The following FAM107B variants were observed in gnomAD, a reference collection of about 807,000 sequenced individuals.
The protein encoded by FAM107B is protein FAM107B.
In FAM107B, 21 loss-of-function variants were observed where a neutral mutation model predicts 31.5. The ratio of observed to expected loss-of-function variants is 0.67; its 90% CI spans 0.47 to 0.96. FAM107B has a LOEUF of 0.96. Ranked by LOEUF, FAM107B falls within the 40% of genes least tolerant of loss-of-function variation. The probability of loss-of-function intolerance (pLI) is 0.00; values close to 1 mark genes in which losing one functional copy is unlikely to be tolerated. For missense variants in FAM107B, 452 were observed against 377.1 expected, an observed-to-expected ratio of 1.20 and a Z score of -1.64; for synonymous variants, 157 against 141.5, an observed-to-expected ratio of 1.11 and a Z score of -0.78.
chr10:14,629,480 A>ATATT (rs1446981296), intron 2 of FAM107B, among the ~76,000 whole-genome samples: 1 of 108,974 alleles, frequency 9.2e-6, no homozygotes, highest in African/African-American at 4.0e-5. Context: ...TAATATATAT[A>ATATT]TAACATATAT....
chr10:14,633,071 T>C (rs766690541), intron 2 of FAM107B, among the ~76,000 whole-genome samples: 1 of 151,798 alleles, frequency 6.6e-6, no homozygotes, highest in Admixed American at 6.6e-5. Flanking sequence ...TAGTGGTGCA[T>C]GCCTGTAATC....
At chr10:14,701,786 A>G (rs1300972339) in intron 1 of FAM107B, among the ~76,000 whole-genome samples, 1 of 152,184 alleles carries the variant, frequency 6.6e-6, no homozygotes, top group Non-Finnish European at 1.5e-5. Flanking sequence ...ACCTTTGGAA[A>G]CAATGGCGTT....
At chr10:14,594,526 A>C (rs1317032981) in intron 2 of FAM107B, among the ~76,000 whole-genome samples, 4 of 151,944 alleles carry the variant, frequency 2.6e-5, no homozygotes, top group African/African-American at 9.7e-5. Flanking sequence ...AACAAAAAAA[A>C]ACAAAACTGG....
In FAM107B at chr10:14,717,014, C is replaced by G. The variant is rs186253434; in HGVS notation, c.412-49323G>C. ...CTGAGGCAAGAGAATCCCTGGAATCCGTGAGGCAGAGGTTGCAGGGAGCCG... is the reference window on the plus strand; with the variant it reads ...CTGAGGCAAGAGAATCCCTGGAATCGGTGAGGCAGAGGTTGCAGGGAGCCG... On this transcript the variant is annotated intron_variant, in intron 1 of 4. Coordinates refer to ENST00000181796, the MANE Select transcript of FAM107B (RefSeq NM_031453.4). Among the ~76,000 whole-genome samples, 11 of 152,214 alleles carry G rather than the reference C, an allele frequency of 7.2e-5. No individual in the cohort carries two copies. In the East Asian group the frequency reaches 2.1e-3, roughly 29 times the overall value.
intron 1 of FAM107B, among the ~76,000 whole-genome samples, chr10:14,761,011 CA>C (rs565835423): frequency 0.27 from 21,114 of 77,558 alleles, 1,166 homozygotes; most frequent in Middle Eastern, 0.43. Flanking sequence ...GACTCCGTTT[CA>C]AAAAAAAAAA....
intron 2 of FAM107B, among the ~76,000 whole-genome samples, chr10:14,575,681 C>T (rs938702570): frequency 2.0e-5 from 3 of 152,206 alleles, no homozygotes; most frequent in African/African-American, 7.2e-5. Context: ...CTAACAGCAA[C>T]TGACAACCAG....
chr10:14,575,658 C>T (rs928863135), intron 2 of FAM107B, among the ~76,000 whole-genome samples: 1 of 152,178 alleles, frequency 6.6e-6, no homozygotes, highest in Non-Finnish European at 1.5e-5. Flanking sequence ...TAGGGTACAG[C>T]TTCCAAACTT....
intron 2 of FAM107B, among the ~76,000 whole-genome samples, chr10:14,637,577 G>C (rs1048707635): frequency 1.1e-4 from 17 of 152,198 alleles, no homozygotes; most frequent in Admixed American, 9.2e-4. Flanking sequence ...CTGTGAGGCT[G>C]AGGCTGCAAT....
Position 14,688,872 on chromosome 10 carries a change from C to A in FAM107B, c.412-21181G>T, listed in dbSNP as rs118174772. On this transcript the variant is annotated intron_variant, in intron 1 of 4. Transcript: ENST00000181796. ...TGCCCTTTGACCTCTTTCTGTTGGT[C>A]TGAACATGCCTACTAGTCTAAGGGA... Among the ~76,000 whole-genome samples, 514 of 152,302 alleles carry A rather than the reference C, an allele frequency of 3.4e-3. 8 individuals are homozygous for A. The East Asian group carries it at 0.051, about 15-fold the overall frequency.
intron 1 of FAM107B, among the ~76,000 whole-genome samples, chr10:14,715,017 G>A (rs1855749935): frequency 6.6e-6 from 1 of 152,166 alleles, no homozygotes; most frequent in African/African-American, 2.4e-5. Flanking sequence ...TGGTCCTGTA[G>A]TGAAGTCACT....
intron 1 of FAM107B, among the ~76,000 whole-genome samples, chr10:14,759,181 AAAATAAAT>A (rs60547324): frequency 0.013 from 1,836 of 144,874 alleles, 31 homozygotes; most frequent in African/African-American, 0.039. Flanking sequence ...TCTGTCTCAA[AAAATAAAT>A]AAATAAATAA....
chr10:14,532,928 G>A (rs1313415218), intron 2 of FAM107B, among the ~76,000 whole-genome samples: 2 of 152,170 alleles, frequency 1.3e-5, no homozygotes, highest in East Asian at 1.9e-4. Context: ...GCAGCGAGAA[G>A]AGCGCATGCA....
At chr10:14,580,390 C>T (rs1044933443) in intron 2 of FAM107B, among the ~76,000 whole-genome samples, 18 of 151,988 alleles carry the variant, frequency 1.2e-4, no homozygotes, top group African/African-American at 4.3e-4. Flanking sequence ...CAAGGCCACC[C>T]TACAAAAGAA....
intron 2 of FAM107B, chr10:14,555,990 G>A (rs1849667146): frequency 6.6e-6 from 1 of 152,536 alleles, no homozygotes; most frequent in South Asian, 2.1e-4. Context: ...CCCCCAAAAG[G>A]GGAAACAGGA....
intron 1 of FAM107B, among the ~76,000 whole-genome samples, chr10:14,708,432 G>A (rs1855568689): frequency 6.6e-6 from 1 of 152,076 alleles, no homozygotes; most frequent in Non-Finnish European, 1.5e-5. Context: ...CCTTTCTCAT[G>A]ACTATGTGTG....
intron 2 of FAM107B, among the ~76,000 whole-genome samples, chr10:14,662,371 G>A (rs946733099): frequency 1.7e-5 from 2 of 115,006 alleles, no homozygotes; most frequent in African/African-American, 6.2e-5. Flanking sequence ...TCTGACCTCT[G>A]ACCTGTCTTT....
chr10:14,589,680 A>G (rs1052112081), intron 2 of FAM107B, among the ~76,000 whole-genome samples: 5 of 152,180 alleles, frequency 3.3e-5, no homozygotes, highest in African/African-American at 9.7e-5. Flanking sequence ...GGAAAGCATT[A>G]GGACAAATAC....
intron 1 of FAM107B, among the ~76,000 whole-genome samples, chr10:14,730,313 G>A (rs1371976062): frequency 6.6e-6 from 1 of 152,224 alleles, no homozygotes; most frequent in Non-Finnish European, 1.5e-5. Flanking sequence ...TGAGTTTAAT[G>A]TGAAACCAAA....
chr10:14,665,737 T>C (rs552474377), intron 2 of FAM107B, among the ~76,000 whole-genome samples: 77 of 152,334 alleles, frequency 5.1e-4, no homozygotes, highest in African/African-American at 1.9e-3. Context: ...CCAATCTTCA[T>C]TACAAGTATC....
Sources: allele counts gnomAD v4.1 joint callset (sites outside exome capture counted in the v4.1 genomes callset), GRCh38; gene constraint gnomAD v4.1.1; transcripts MANE v1.5; gene names NCBI Gene and HGNC (gene_info 2026-07-23, HGNC 2026-07-21).